Variants in SLC49A3 observed in about 807,000 individuals in gnomAD.
SLC49A3 encodes solute carrier family 49 member A3.
A neutral mutation model predicts 43.8 loss-of-function variants in SLC49A3; 50 were observed. The ratio of observed to expected loss-of-function variants is 1.14; its 90% CI spans 0.91 to 1.45. The LOEUF (loss-of-function observed/expected upper bound fraction) is 1.45, where lower values mean the gene tolerates loss of function less well. SLC49A3 is among the 40% of genes most tolerant of loss of function. The probability of loss-of-function intolerance (pLI) is 0.00; values close to 1 mark genes in which losing one functional copy is unlikely to be tolerated. For missense variants in SLC49A3, 906 were observed against 774.1 expected (o/e 1.17, Z -2.02); for synonymous variants, 413 against 352.0 (o/e 1.17, Z -1.94).
upstream of SLC49A3, chr4:689,221 G>GGGGAC: frequency 2.1e-6 from 2 of 967,786 alleles, no homozygotes. Flanking sequence ...GGGCGGAGGT[G>GGGGAC]GGGCCGGGCC....
Position 688,975 on chromosome 4 carries a change from C to T in SLC49A3, c.135+18G>A. On this transcript the variant is annotated intron_variant, in intron 1 of 9. Transcript: ENST00000322224. ...GACTGAGGGTCCCGGAGCCACCTGTCCCCGCCCCTGCCCCTACCGTGGCGT... is the reference window on the plus strand; with the variant it reads ...GACTGAGGGTCCCGGAGCCACCTGTTCCCGCCCCTGCCCCTACCGTGGCGT... 6.3e-7 allele frequency: 1 copy of T among 1,584,886 alleles called. No individual in the cohort carries two copies. The highest frequency in any genetic ancestry group is 8.6e-7 in the Non-Finnish European group (1 of 1,168,444).
Position 682,007 on chromosome 4 carries a change from T to G in SLC49A3, c.1631A>C (p.Asp544Ala). 7.0e-7 allele frequency: 1 copy of G among 1,419,974 alleles called. No individual in the cohort carries two copies. Among genetic ancestry groups the G allele is most frequent in the Non-Finnish European group, 9.3e-7 (1 of 1,072,552 alleles). 88.0% of individuals were successfully genotyped at this position (1,419,974 alleles called of 1,614,324 possible). A position where few individuals can be genotyped will look rare whatever the true frequency, so the allele number is the denominator to read the frequency against. ...GAAGGAGGAGTGAGACCCAGCCGGG[T>G]CAATAAACCTGGACGCTTGGACCCT... The part of the protein sequence containing the change: ...AGRVQASRFI[D>A]PAGSHSSFSS... Residue 544 changes from aspartate (D) to alanine (A), a missense_variant, in exon 10 of 10, where the codon GAC becomes GCC. By Grantham distance (126) the Asp-to-Ala change is moderately radical (BLOSUM62 -2). Coordinates refer to ENST00000322224, the MANE Select transcript of SLC49A3 (RefSeq NM_032219.4).
At chr4:680,073 A>T (rs1739298227), downstream of SLC49A3, 10 of 1,403,352 alleles carry the variant, frequency 7.1e-6, no homozygotes, top group Non-Finnish European at 3.9e-6. Context: ...ACAGTTAGAG[A>T]TCCGGACATT....
chr4:683,999 C>T (rs1026103060), intron 6 of SLC49A3, among the ~76,000 whole-genome samples: 10 of 152,234 alleles, frequency 6.6e-5, no homozygotes, highest in African/African-American at 9.6e-5. Context: ...ACAGAGGCCC[C>T]ACAGGGCCGT....
intron 9 of SLC49A3, 81 bp downstream of exon 9, chr4:682,700 G>A (rs1244860306): frequency 9.1e-6 from 11 of 1,202,734 alleles, no homozygotes; most frequent in South Asian, 6.5e-5. Context: ...CCCACGTAGG[G>A]TTCACCTGTC....
chr4:679,814 C>T, downstream of SLC49A3: 1 of 967,770 alleles, frequency 1.0e-6, no homozygotes, highest in Non-Finnish European at 1.6e-6. Context: ...TCCCTCCCCA[C>T]CCTTCCCATC....
At chr4:677,882 T>C, downstream of SLC49A3, 1 of 1,397,790 alleles carries the variant, frequency 7.2e-7, no homozygotes, top group Non-Finnish European at 1.0e-6. Context: ...ACTCTGCAGC[T>C]GTCCAGTCCC....
At chr4:688,536 T>C (rs1741493158) in intron 1 of SLC49A3, among the ~76,000 whole-genome samples, 1 of 152,054 alleles carries the variant, frequency 6.6e-6, no homozygotes, top group Non-Finnish European at 1.5e-5. Flanking sequence ...GTGCAACACC[T>C]GAAGGGGGTG....
At chr4:682,731 C>T in intron 9 of SLC49A3, 50 bp downstream of exon 9, 1 of 1,412,934 alleles carries the variant, frequency 7.1e-7, no homozygotes, top group Non-Finnish European at 9.6e-7. Flanking sequence ...GGAATCTTCA[C>T]ATGGGGCTCA....
downstream of SLC49A3, chr4:680,536 A>T (rs772028565): frequency 1.3e-5 from 21 of 1,613,484 alleles, no homozygotes; most frequent in Non-Finnish European, 1.6e-5. Context: ...ACCATTCTTA[A>T]CGCCTTCAAG....
At position 684,482 on chromosome 4, in the gene SLC49A3, C is replaced by T. The variant is rs1560169743; in HGVS notation, c.840+1G>A. ...GTCCCCAGGGGTGGGGCCAGGCTCA[C>T]ACTGGAGTGGCCGCTTGCACAGAGG... On this transcript the variant is annotated splice_donor_variant, in intron 6 of 9. Transcript: ENST00000322224. LOFTEE classifies it high-confidence loss of function. 12 of 1,612,742 alleles carry T rather than the reference C, an allele frequency of 7.4e-6. No homozygotes were observed. Among genetic ancestry groups the T allele is most frequent in the Non-Finnish European group, 1.0e-5 (12 of 1,179,808 alleles).
chr4:688,444 C>A (rs28510755), intron 1 of SLC49A3, among the ~76,000 whole-genome samples: 3,176 of 152,300 alleles, frequency 0.021, 114 homozygotes, highest in African/African-American at 0.073. Context: ...GTTCATTGCA[C>A]GTTGGCCAGA....
downstream of SLC49A3, chr4:678,029 G>T: frequency 6.2e-7 from 1 of 1,613,428 alleles, no homozygotes; most frequent in East Asian, 2.2e-5. Context: ...AAGCAGGCAT[G>T]GTGAGCAGGC....
chr4:677,167 G>C (rs1738926807), downstream of SLC49A3, among the ~76,000 whole-genome samples: 1 of 152,168 alleles, frequency 6.6e-6, no homozygotes, highest in African/African-American at 2.4e-5. Flanking sequence ...AGGCCTGGGG[G>C]GCTCCAAAAG....
chr4:685,730 TCACA>T lies in SLC49A3; in HGVS notation c.585+101_585+104del. The T allele has an allele frequency of 8.0e-7, 1 of 1,257,180 alleles. No homozygotes were observed. The highest frequency in any genetic ancestry group is 1.1e-6 in the Non-Finnish European group (1 of 880,174). The allele number at this position is 1,257,180 out of a possible 1,614,324, so 77.9% of individuals were successfully genotyped here. ...CGGGTGGCGGGGCGGGGGACGGGAA[TCACA>T]CACGGGCACAGGAACACGGACACAC... On this transcript the variant is annotated intron_variant, in intron 4 of 9. Transcript: ENST00000322224. The surrounding 1 kb of genome is among the most constrained non-coding windows in gnomAD (Gnocchi z 4.3).
intron 6 of SLC49A3, 113 bp downstream of exon 6, chr4:684,370 C>T (rs1257839249): frequency 7.0e-6 from 10 of 1,436,084 alleles, no homozygotes; most frequent in African/African-American, 4.2e-5. Flanking sequence ...AGAAGGGTGT[C>T]AATGTGGCCC....
Position 685,300 on chromosome 4 carries a change from G to A in SLC49A3, c.586-444C>T, listed in dbSNP as rs1560172517. On this transcript the variant is annotated intron_variant, in intron 4 of 9. Coordinates refer to ENST00000322224, the MANE Select transcript of SLC49A3 (RefSeq NM_032219.4). The surrounding 1 kb of genome is among the most constrained non-coding windows in gnomAD (Gnocchi z 4.3). ...CAGGTACACACCACACATGTGCACAGACACACAGACACATATGCACACATC... is the reference window on the plus strand; with the variant it reads ...CAGGTACACACCACACATGTGCACAAACACACAGACACATATGCACACATC... Among the ~76,000 whole-genome samples, 1 of 151,970 alleles carries A rather than the reference G, an allele frequency of 6.6e-6. No homozygotes were observed.
chr4:686,003 A>T, intron 3 of SLC49A3, 86 bp downstream of exon 3: 4 of 1,606,578 alleles, frequency 2.5e-6, no homozygotes, highest in Non-Finnish European at 3.4e-6. Context: ...CAGCTCCTCC[A>T]CCCTGGCCAG....
In SLC49A3 at chr4:681,949, G is replaced by T. The variant is rs200030320; in HGVS notation, c.*9C>A. ...ATGTGGCGGGCAACCTGGACTACAA[G>T]GCGCTCAGCTACGTGATCACCCACG... On this transcript the variant is annotated 3_prime_UTR_variant, in exon 10 of 10. Coordinates refer to ENST00000322224, the MANE Select transcript of SLC49A3 (RefSeq NM_032219.4). The T allele has an allele frequency of 2.2e-6, 3 of 1,346,014 alleles. No homozygotes were observed. In the East Asian group the frequency reaches 8.4e-5, roughly 38 times the overall value. The allele number at this position is 1,346,014 out of a possible 1,614,324, so 83.4% of individuals were successfully genotyped here. A position where few individuals can be genotyped will look rare whatever the true frequency, so the allele number is the denominator to read the frequency against.
Sources: allele counts gnomAD v4.1 joint callset (sites outside exome capture counted in the v4.1 genomes callset), GRCh38; gene constraint gnomAD v4.1.1; non-coding constraint Gnocchi (gnomAD v3.1); transcripts MANE v1.5; gene names NCBI Gene and HGNC (gene_info 2026-07-23, HGNC 2026-07-21).